NSDHL: variants seen among roughly 807,000 people sequenced by gnomAD.
NSDHL encodes NAD(P) dependent 3-beta-hydroxysteroid dehydrogenase NSDHL.
In NSDHL, 1 loss-of-function variant was observed where a neutral mutation model predicts 23.0. The observed-to-expected ratio is 0.04, with a 90% CI of 0.02 to 0.21. The LOEUF (loss-of-function observed/expected upper bound fraction) is 0.21, where lower values mean the gene tolerates loss of function less well. Ranked by LOEUF, NSDHL falls within the 10% of genes least tolerant of loss-of-function variation. NSDHL has a pLI of 1.00. For synonymous variants in NSDHL, 128 were observed against 121.1 expected (o/e 1.06, Z -0.37); for missense variants, 237 against 300.9 (o/e 0.79, Z 1.57).
chrX:152,840,097 A>G (rs1933165644), intron 1 of NSDHL, among the ~76,000 whole-genome samples: 1 of 111,885 alleles, frequency 8.9e-6, no homozygotes, highest in South Asian at 3.7e-4. Context: ...TGATTTGGCT[A>G]TTGAAGCTTG....
chrX:152,835,751 A>C (rs1474110390), intron 1 of NSDHL, among the ~76,000 whole-genome samples: 5 of 112,047 alleles, frequency 4.5e-5, no homozygotes, highest in Admixed American at 2.8e-4. Context: ...ATAGTGCCAC[A>C]ATAAACATAT....
At chrX:152,847,163 C>G (rs1933286274) in intron 2 of NSDHL, among the ~76,000 whole-genome samples, 1 of 111,310 alleles carries the variant, frequency 9.0e-6, no homozygotes, top group African/African-American at 3.3e-5. Flanking sequence ...ATTAGCCAGG[C>G]ATGGTGGCAG....
intron 1 of NSDHL, among the ~76,000 whole-genome samples, chrX:152,836,780 A>G (rs1173654908): frequency 1.8e-5 from 2 of 112,066 alleles, no homozygotes; most frequent in Non-Finnish European, 3.8e-5. Flanking sequence ...TCTCTTGGCT[A>G]TGTGGGCTCT....
At chrX:152,857,756 T>C (rs2125012389) in intron 3 of NSDHL, among the ~76,000 whole-genome samples, 1 of 111,977 alleles carries the variant, frequency 8.9e-6, no homozygotes, top group South Asian at 3.8e-4. Context: ...GTGATCATTG[T>C]TTTATGGTTA....
chrX:152,833,436 C>G (rs1397592849), intron 1 of NSDHL, among the ~76,000 whole-genome samples: 1 of 108,830 alleles, frequency 9.2e-6, no homozygotes, highest in Non-Finnish European at 1.9e-5. Flanking sequence ...AGTCGCAACA[C>G]TCACTCCTGC....
In NSDHL at chrX:152,847,831, T is replaced by C. The variant is rs74770437; in HGVS notation, c.108+1399T>C. Reference sequence around the variant, plus strand: ...ACTATTCTGTTATCTCAAGATTCTATTGCAATTAGATTAGTTTGCCTAAAT... The same window carrying C: ...ACTATTCTGTTATCTCAAGATTCTACTGCAATTAGATTAGTTTGCCTAAAT... On this transcript the variant is annotated intron_variant, in intron 2 of 7. Coordinates refer to ENST00000370274, the MANE Select transcript of NSDHL (RefSeq NM_015922.3). Among the ~76,000 whole-genome samples the C allele has an allele frequency of 3.7e-3, 408 of 111,022 alleles. 3 individuals carry two copies. Among genetic ancestry groups the C allele is most frequent in the African/African-American group, 0.013 (384 of 30,539 alleles).
chrX:152,840,201 T>C (rs782176936), intron 1 of NSDHL, among the ~76,000 whole-genome samples: 1 of 112,362 alleles, frequency 8.9e-6, no homozygotes, highest in East Asian at 2.8e-4. Flanking sequence ...TAGTCATTCA[T>C]CTAACCTTTT....
intron 3 of NSDHL, among the ~76,000 whole-genome samples, chrX:152,853,779 C>T (rs1241938799): frequency 7.1e-5 from 8 of 112,328 alleles, no homozygotes; most frequent in African/African-American, 2.3e-4. Flanking sequence ...TCCTGAACCA[C>T]AGAACTTGCT....
At chrX:152,862,469 A>G in intron 4 of NSDHL, 127 bp from the exon 5 acceptor site, 1 of 610,768 alleles carries the variant, frequency 1.6e-6, no homozygotes, top group African/African-American at 2.2e-5. Context: ...TGCAGCAAAT[A>G]ATTTCTTCAG....
chrX:152,864,607 C>T (rs1248607601), intron 5 of NSDHL, among the ~76,000 whole-genome samples: 1 of 112,081 alleles, frequency 8.9e-6, no homozygotes, highest in Non-Finnish European at 1.9e-5. Context: ...AGTAACTCAC[C>T]GGAAGCCTCC....
chrX:152,852,547 G>A (rs1312358949), intron 3 of NSDHL, among the ~76,000 whole-genome samples: 4 of 110,601 alleles, frequency 3.6e-5, no homozygotes, highest in African/African-American at 9.9e-5. Flanking sequence ...TGGAGTCACC[G>A]GGGACTAGAG....
intron 2 of NSDHL, among the ~76,000 whole-genome samples, chrX:152,847,709 A>T (rs1014336778): frequency 2.8e-4 from 31 of 112,018 alleles, no homozygotes; most frequent in African/African-American, 1.0e-3. Context: ...ATTTGTCTTA[A>T]CTTACTATAC....
chrX:152,844,451 G>A (rs1258059527), intron 1 of NSDHL, among the ~76,000 whole-genome samples: 3 of 112,356 alleles, frequency 2.7e-5, no homozygotes, highest in Admixed American at 9.4e-5. Context: ...CCTGTCATGC[G>A]GTCCTGTCAC....
In NSDHL at chrX:152,850,250, C is replaced by A. The variant is rs1933334654; in HGVS notation, c.109-15C>A. 1 of 1,210,396 alleles carries A rather than the reference C, an allele frequency of 8.3e-7. No individual in the cohort carries two copies. Among genetic ancestry groups the A allele is most frequent in the East Asian group, 3.0e-5 (1 of 33,849 alleles). ...CACTACCCTGGTCTTCCCCACCGTT[C>A]CTCTCTTTCCACAGGCCAAGAGATG... On this transcript the variant is annotated splice_polypyrimidine_tract_variant and intron_variant, in intron 2 of 7. Transcript: ENST00000370274.
chrX:152,832,506 G>A (rs1303510116), intron 1 of NSDHL, among the ~76,000 whole-genome samples: 1 of 111,565 alleles, frequency 9.0e-6, no homozygotes, highest in African/African-American at 3.3e-5. Flanking sequence ...CGTAGTGAAC[G>A]GCCCTGGTCA....
At chrX:152,837,391 C>T (rs1189239353) in intron 1 of NSDHL, among the ~76,000 whole-genome samples, 2 of 111,569 alleles carry the variant, frequency 1.8e-5, no homozygotes, top group African/African-American at 6.5e-5. Context: ...AAAGGGAATG[C>T]TTCCAGTTTT....
chrX:152,859,056 C>T, intron 4 of NSDHL, 140 bp downstream of exon 4: 1 of 481,673 alleles, frequency 2.1e-6, no homozygotes, highest in East Asian at 3.6e-5. Flanking sequence ...GAAATGAAGC[C>T]CTTGGAGTCA....
chrX:152,850,823 G>A (rs1252266980), intron 3 of NSDHL, among the ~76,000 whole-genome samples: 1 of 112,192 alleles, frequency 8.9e-6, no homozygotes, highest in Non-Finnish European at 1.9e-5. Context: ...TTTAAAGTGT[G>A]CAATTCAGTG....
In NSDHL at chrX:152,865,836, C is replaced by T. The variant is rs149379426; in HGVS notation, c.561C>T (p.Asn187=). The T allele has an allele frequency of 4.9e-5, 59 of 1,211,427 alleles. No homozygotes were observed. The highest frequency in any genetic ancestry group is 8.8e-5 in the South Asian group (5 of 56,972). ...TCCTCCAGGCAGTTCTGGGCGCCAA[C>T]GATCCTGAGAAGAATTTCTTAACCA... ...ILQERAVLGA[N]DPEKNFLTTA... The change falls in exon 6 of 8, where the codon AAC becomes AAT. Residue 187 remains asparagine (N), a synonymous_variant. Coordinates refer to ENST00000370274, the MANE Select transcript of NSDHL (RefSeq NM_015922.3).
Sources: gnomAD v4.1 joint callset for allele counts (sites outside exome capture counted in the v4.1 genomes callset) on GRCh38, gnomAD v4.1.1 for gene constraint, MANE v1.5 for transcripts, NCBI Gene and HGNC (gene_info 2026-07-23, HGNC 2026-07-21) for gene names.